The following PCDHGB2 variants were observed in gnomAD, a reference collection of about 807,000 sequenced individuals.
The protein encoded by PCDHGB2 is protocadherin gamma-B2.
A neutral mutation model predicts 59.3 loss-of-function variants in PCDHGB2; 55 were observed. That is an observed-to-expected ratio of 0.93 (90% CI 0.75 to 1.16). PCDHGB2 has a LOEUF of 1.16. PCDHGB2 is among the 50% of genes most tolerant of loss of function. The pLI is 0.00. For missense variants in PCDHGB2, 1,228 were observed against 1,198.5 expected (o/e 1.02, Z -0.36); for synonymous variants, 516 against 512.0 (o/e 1.01, Z -0.11).
At chr5:141,410,847 G>GTTTTT (rs773839667) in intron 1 of PCDHGB2, 12 of 158,330 alleles carry the variant, frequency 7.6e-5, no homozygotes, top group African/African-American at 2.5e-4. Flanking sequence ...TTTTGTCTTT[G>GTTTTT]TCTTTTTTTT....
chr5:141,404,545 G>A (rs763601254), intron 1 of PCDHGB2: 1 of 1,613,940 alleles, frequency 6.2e-7, no homozygotes, highest in Admixed American at 1.7e-5. Context: ...TGCAAATGCA[G>A]GTGACGGCAA....
At position 141,431,159 on chromosome 5, in the gene PCDHGB2, C is replaced by T. The variant is rs1017606383; in HGVS notation, c.2422-63648C>T. Reference sequence around the variant, plus strand: ...CATTAACGACAATGCGCCTTACTTTCGTGAAAGTGAATTAGAAATAAAAAT... The same window carrying T: ...CATTAACGACAATGCGCCTTACTTTTGTGAAAGTGAATTAGAAATAAAAAT... On this transcript the variant is annotated intron_variant, in intron 1 of 3. Transcript: ENST00000522605. The surrounding 1 kb of genome is among the most constrained non-coding windows in gnomAD (Gnocchi z 4.8). 1 of 1,614,158 alleles carries T rather than the reference C, an allele frequency of 6.2e-7. No individual in the cohort carries two copies. The highest frequency in any genetic ancestry group is 1.3e-5 in the African/African-American group (1 of 75,046).
chr5:141,403,517 G>A, intron 1 of PCDHGB2: 1 of 1,614,030 alleles, frequency 6.2e-7, no homozygotes, highest in Non-Finnish European at 8.5e-7. Context: ...AGACAATGGA[G>A]CCATAAACCC....
intron 1 of PCDHGB2, chr5:141,403,792 A>G: frequency 1.2e-6 from 2 of 1,613,922 alleles, no homozygotes; most frequent in African/African-American, 1.3e-5. Context: ...TGGCATACAA[A>G]TTCTGGAAAA....
chr5:141,399,797 G>C lies in PCDHGB2; in HGVS notation c.2421+37241G>C, dbSNP rs760211919. On this transcript the variant is annotated intron_variant, in intron 1 of 3. Coordinates refer to ENST00000522605, the MANE Select transcript of PCDHGB2 (RefSeq NM_018923.3). ...GGCGACCGAAACGACAACGCACCGC[G>C]GGTGCTGTACCCCGCGCTGGGTCCC... 4.3e-6 allele frequency: 7 copies of C among 1,613,192 alleles called. No homozygotes were observed. In the South Asian group the frequency reaches 7.7e-5, roughly 18 times the overall value.
chr5:141,405,609 G>A, intron 1 of PCDHGB2: 1 of 562,334 alleles, frequency 1.8e-6, no homozygotes. Context: ...AGAATAACTG[G>A]GACTACAGGC....
At chr5:141,409,988 GCCGACT>G in intron 1 of PCDHGB2, 1 of 1,613,278 alleles carries the variant, frequency 6.2e-7, no homozygotes, top group East Asian at 2.2e-5. Context: ...AGCGGTGGAC[GCCGACT>G]CGGGACACAA....
intron 1 of PCDHGB2, among the ~76,000 whole-genome samples, chr5:141,463,527 G>C (rs12109431): frequency 1.5e-5 from 2 of 131,102 alleles, no homozygotes; most frequent in Non-Finnish European, 3.1e-5. Context: ...CGGCTTACTA[G>C]AAACTCCGGC....
chr5:141,383,984 T>C, intron 1 of PCDHGB2: 1 of 1,613,834 alleles, frequency 6.2e-7, no homozygotes, highest in African/African-American at 1.3e-5. Context: ...GACACACCTC[T>C]TGGGACAGTC....
chr5:141,422,836 G>A, intron 1 of PCDHGB2: 1 of 1,614,250 alleles, frequency 6.2e-7, no homozygotes, highest in Middle Eastern at 1.6e-4. Flanking sequence ...GATAGCACGT[G>A]ACAGCGGGGA....
chr5:141,411,765 T>A (rs796485295), intron 1 of PCDHGB2: 1 of 152,418 alleles, frequency 6.6e-6, no homozygotes, highest in South Asian at 2.1e-4. Context: ...GCCTGTGGTC[T>A]CAGCTACTCT....
intron 1 of PCDHGB2, chr5:141,413,935 A>T: frequency 6.2e-7 from 1 of 1,613,372 alleles, no homozygotes; most frequent in Non-Finnish European, 8.5e-7. Flanking sequence ...ATACCGAGTG[A>T]GTGTTCCTGA....
At chr5:141,404,408 A>C (rs2154535328) in intron 1 of PCDHGB2, 1 of 1,613,900 alleles carries the variant, frequency 6.2e-7, no homozygotes, top group East Asian at 2.2e-5. Flanking sequence ...TGAGAATTCT[A>C]GAGTTATTTA....
intron 1 of PCDHGB2, chr5:141,412,461 A>G (rs184499850): frequency 3.4e-4 from 52 of 152,338 alleles, no homozygotes; most frequent in African/African-American, 1.2e-3. Flanking sequence ...ACTATTCTAG[A>G]AGAGTACTTT....
At chr5:141,420,546 G>A in intron 1 of PCDHGB2, 1 of 284,254 alleles carries the variant, frequency 3.5e-6, no homozygotes, top group South Asian at 1.2e-4. Context: ...ATAAAATACA[G>A]GTATATTTTT....
At chr5:141,463,265 A>G (rs2099055701) in intron 1 of PCDHGB2, among the ~76,000 whole-genome samples, 1 of 151,998 alleles carries the variant, frequency 6.6e-6, no homozygotes, top group African/African-American at 2.4e-5. Flanking sequence ...ACTCTATCCC[A>G]TAAATTCTGG....
Position 141,431,297 on chromosome 5 carries a change from C to G in PCDHGB2, c.2422-63510C>G. Reference sequence around the variant, plus strand: ...GCTCAGCCCGAACACTCACTTCTCCCTCATCGTGCAAAATGGAGCCGACGG... The same window carrying G: ...GCTCAGCCCGAACACTCACTTCTCCGTCATCGTGCAAAATGGAGCCGACGG... On this transcript the variant is annotated intron_variant, in intron 1 of 3. Transcript: ENST00000522605. The surrounding 1 kb of genome is among the most constrained non-coding windows in gnomAD (Gnocchi z 4.8). The G allele has an allele frequency of 6.2e-7, 1 of 1,614,126 alleles. No individual in the cohort carries two copies. The highest frequency in any genetic ancestry group is 8.5e-7 in the Non-Finnish European group (1 of 1,180,036).
rs747671382 is a variant in PCDHGB2 at position 141,444,152 on chromosome 5, A to ATTTTTT, written c.2422-50624_2422-50619dup. ...GATATGTGTCACTTGTGTGTACTGG[A>ATTTTTT]TTTTTTTTTTTTTTTTTTTTTTTTT... On this transcript the variant is annotated intron_variant, in intron 1 of 3. Coordinates refer to ENST00000522605, the MANE Select transcript of PCDHGB2 (RefSeq NM_018923.3). Among the ~76,000 whole-genome samples the ATTTTTT allele has an allele frequency of 3.5e-4, 12 of 33,898 alleles. 1 individual carries two copies. Among genetic ancestry groups the ATTTTTT allele is most frequent in the African/African-American group, 4.2e-4 (3 of 7,184 alleles). The allele number at this position is 33,898 out of a possible 152,430, so 22.2% of individuals were successfully genotyped here.
intron 1 of PCDHGB2, among the ~76,000 whole-genome samples, chr5:141,450,968 G>A (rs756891993): frequency 5.5e-4 from 84 of 151,848 alleles, no homozygotes; most frequent in Non-Finnish European, 9.0e-4. Context: ...GGGATTACAG[G>A]CATGTGCCAC....
Sources: allele counts gnomAD v4.1 joint callset (sites outside exome capture counted in the v4.1 genomes callset), GRCh38; gene constraint gnomAD v4.1.1; non-coding constraint Gnocchi (gnomAD v3.1); transcripts MANE v1.5; gene names NCBI Gene and HGNC (gene_info 2026-07-23, HGNC 2026-07-21).